CFAP221: variants seen among roughly 807,000 people sequenced by gnomAD.
The protein encoded by CFAP221 is cilia- and flagella-associated protein 221.
A neutral mutation model predicts 113.1 loss-of-function variants in CFAP221; 97 were observed. The observed-to-expected ratio is 0.86, with a 90% CI of 0.73 to 1.02. CFAP221 has a LOEUF of 1.02. Among genes scored for constraint, CFAP221 ranks in the 50% least tolerant of loss-of-function variants. CFAP221 has a pLI of 0.00. For missense variants in CFAP221, 1,025 were observed against 1,013.4 expected, an observed-to-expected ratio of 1.01 and a Z score of -0.16; for synonymous variants, 331 against 354.4, an observed-to-expected ratio of 0.93 and a Z score of 0.74.
chr2:119,619,709 G>A (rs1194056083), intron 14 of CFAP221, among the ~76,000 whole-genome samples: 1 of 152,148 alleles, frequency 6.6e-6, no homozygotes, highest in Non-Finnish European at 1.5e-5. Context: ...TTCCTCGACA[G>A]CAAGGGAACA....
At chr2:119,628,211 A>G (rs1322586866) in intron 16 of CFAP221, among the ~76,000 whole-genome samples, 1 of 152,084 alleles carries the variant, frequency 6.6e-6, no homozygotes, top group South Asian at 2.1e-4. Context: ...GCCTGACCTC[A>G]TAAGAAGGGA....
chr2:119,630,752 C>T lies in CFAP221; in HGVS notation c.1840-15C>T, dbSNP rs1477507979. 1.2e-6 allele frequency: 2 copies of T among 1,609,490 alleles called. No individual in the cohort carries two copies. Among genetic ancestry groups the T allele is most frequent in the Non-Finnish European group, 1.7e-6 (2 of 1,176,030 alleles). ...CTGGCATCAAAACTAACGTGCTGTC[C>T]TTGCTCCTTGTTAGGATGAAGTCAC... On this transcript the variant is annotated splice_polypyrimidine_tract_variant and intron_variant, in intron 18 of 23. Coordinates refer to ENST00000413369, the MANE Select transcript of CFAP221 (RefSeq NM_001271049.2).
chr2:119,558,079 C>T (rs1680951111), intron 3 of CFAP221, among the ~76,000 whole-genome samples: 1 of 151,972 alleles, frequency 6.6e-6, no homozygotes, highest in Non-Finnish European at 1.5e-5. Context: ...AGTGTTCTTA[C>T]TGAATTATTT....
intron 3 of CFAP221, among the ~76,000 whole-genome samples, chr2:119,550,911 C>T (rs914872470): frequency 2.6e-5 from 4 of 152,182 alleles, no homozygotes; most frequent in Non-Finnish European, 4.4e-5. Context: ...ATCCCCTATT[C>T]CCCTCCCACT....
intron 6 of CFAP221, among the ~76,000 whole-genome samples, chr2:119,583,483 T>C (rs72963192): frequency 0.19 from 28,278 of 150,988 alleles, 2,838 homozygotes; most frequent in African/African-American, 0.25. Flanking sequence ...GTACAATTTT[T>C]TACATAGAAA....
intron 16 of CFAP221, among the ~76,000 whole-genome samples, chr2:119,628,749 T>C (rs1474033902): frequency 1.3e-5 from 2 of 151,538 alleles, no homozygotes; most frequent in Non-Finnish European, 2.9e-5. Flanking sequence ...AAATTCCACA[T>C]GTTTTCTGCT....
intron 21 of CFAP221, among the ~76,000 whole-genome samples, chr2:119,641,524 G>A (rs1402665866): frequency 6.6e-6 from 1 of 152,180 alleles, no homozygotes; most frequent in African/African-American, 2.4e-5. Context: ...TGTATCACCA[G>A]TTCAGTCCTT....
chr2:119,553,773 G>A lies in CFAP221; in HGVS notation c.240+4588G>A, dbSNP rs551406456. Among the ~76,000 whole-genome samples, 102 of 152,162 alleles carry A rather than the reference G, an allele frequency of 6.7e-4. 5 individuals carry two copies. Among genetic ancestry groups the A allele is most frequent in the Non-Finnish European group, 5.9e-5 (4 of 68,036 alleles). ...AAAAGATATGAAGCCTCAGCTCGGC[G>A]TCATTCTGCTGCAGAATGGAGACCA... is the stretch of plus-strand genomic sequence containing the variant. On this transcript the variant is annotated intron_variant, in intron 3 of 23. Transcript: ENST00000413369.
intron 16 of CFAP221, among the ~76,000 whole-genome samples, 183 bp downstream of exon 16, chr2:119,627,969 A>G (rs1686457178): frequency 1.3e-5 from 2 of 152,224 alleles, no homozygotes; most frequent in Middle Eastern, 6.8e-3. Flanking sequence ...CTTGCTCCTG[A>G]TACACCTGCA....
chr2:119,592,708 G>A (rs994611868), intron 7 of CFAP221, among the ~76,000 whole-genome samples: 20 of 152,208 alleles, frequency 1.3e-4, no homozygotes, highest in African/African-American at 4.6e-4. Flanking sequence ...ATGTTTGACA[G>A]TGTCTCTCTG....
chr2:119,627,550 C>G, intron 15 of CFAP221, 103 bp from the exon 16 acceptor site: 1 of 1,010,548 alleles, frequency 9.9e-7, no homozygotes, highest in South Asian at 1.6e-5. Context: ...TATATACACA[C>G]CCACCCACTA....
At chr2:119,655,203 C>T (rs546580963) in intron 23 of CFAP221, among the ~76,000 whole-genome samples, 16 of 152,310 alleles carry the variant, frequency 1.1e-4, no homozygotes, top group African/African-American at 3.8e-4. Flanking sequence ...TTCTCTGCTG[C>T]CTGGACAGCG....
rs192948230 is a variant in CFAP221, at chr2:119,569,894, C to A, written c.527+7780C>A. Among the ~76,000 whole-genome samples the A allele has an allele frequency of 1.0e-3, 156 of 152,214 alleles. 2 individuals are homozygous for A. Among genetic ancestry groups the A allele is most frequent in the Admixed American group, 7.7e-3 (118 of 15,294 alleles). On this transcript the variant is annotated intron_variant, in intron 6 of 23. Coordinates refer to ENST00000413369, the MANE Select transcript of CFAP221 (RefSeq NM_001271049.2). ...TCTCTGCTTACACTTCCCATTTTTT[C>A]TTGCATGCTGTCTACTTATCCATAG...
chr2:119,556,556 CTTT>C (rs1199595376), intron 3 of CFAP221, among the ~76,000 whole-genome samples: 4 of 138,500 alleles, frequency 2.9e-5, no homozygotes, highest in Non-Finnish European at 3.2e-5. Context: ...AATTTTTTTT[CTTT>C]TTTTTTTTTT....
chr2:119,618,258 T>C (rs1029695435), intron 14 of CFAP221, among the ~76,000 whole-genome samples: 1 of 152,208 alleles, frequency 6.6e-6, no homozygotes, highest in Non-Finnish European at 1.5e-5. Context: ...GTAGCCACTT[T>C]ATAATATTTG....
At chr2:119,648,090 A>G (rs969741290) in intron 22 of CFAP221, among the ~76,000 whole-genome samples, 2 of 152,208 alleles carry the variant, frequency 1.3e-5, no homozygotes, top group Non-Finnish European at 2.9e-5. Flanking sequence ...TGAAAAGCAA[A>G]TGAATTACTA....
At chr2:119,609,452 TTC>T (rs1684997297) in intron 12 of CFAP221, among the ~76,000 whole-genome samples, 2 of 152,202 alleles carry the variant, frequency 1.3e-5, no homozygotes, top group African/African-American at 4.8e-5. Context: ...GGTTGATTCC[TTC>T]TGAGAGCCAT....
chr2:119,613,487 C>T (rs1382826608), intron 13 of CFAP221, among the ~76,000 whole-genome samples: 1 of 152,228 alleles, frequency 6.6e-6, no homozygotes, highest in African/African-American at 2.4e-5. Context: ...TTTCCCAAAC[C>T]TAATTTCTGG....
intron 11 of CFAP221, among the ~76,000 whole-genome samples, chr2:119,605,582 G>A (rs925774216): frequency 6.6e-6 from 1 of 152,080 alleles, no homozygotes; most frequent in African/African-American, 2.4e-5. Context: ...GGGTGCCTTG[G>A]GCACCCCCAA....
Sources: allele counts gnomAD v4.1 joint callset (sites outside exome capture counted in the v4.1 genomes callset), GRCh38; gene constraint gnomAD v4.1.1; transcripts MANE v1.5; gene names NCBI Gene and HGNC (gene_info 2026-07-23, HGNC 2026-07-21).